Variants in LCT observed in about 807,000 individuals in gnomAD.
LCT encodes the protein lactase.
LCT carries 90 observed loss-of-function variants against 173.0 expected under a neutral mutation model. The observed-to-expected ratio is 0.52, with a 90% CI of 0.44 to 0.62. The LOEUF is 0.62. Among genes scored for constraint, LCT ranks in the 20% least tolerant of loss-of-function variants. LCT has a pLI of 0.00. For missense variants in LCT, 1,864 were observed against 2,431.4 expected (o/e 0.77, Z 4.91); for synonymous variants, 853 against 957.6 (o/e 0.89, Z 2.02).
At chr2:135,803,859 C>T (rs2077646907) in intron 11 of LCT, 71 bp downstream of exon 11, 1 of 1,424,724 alleles carries the variant, frequency 7.0e-7, no homozygotes, top group African/African-American at 1.4e-5. Context: ...CCTGTGCCAT[C>T]TGGATTTCAA....
Position 135,808,428 on chromosome 2 carries a change from T to G in LCT, c.3904+15A>C. 4 of 1,592,272 alleles carry G rather than the reference T, an allele frequency of 2.5e-6. No individual in the cohort carries two copies. The highest frequency in any genetic ancestry group is 3.4e-6 in the Non-Finnish European group (4 of 1,160,078). On this transcript the variant is annotated intron_variant, in intron 8 of 16. Coordinates refer to ENST00000264162, the MANE Select transcript of LCT (RefSeq NM_002299.4). ...GTTGGAAGATTTCTTTAAGGGGAAC[T>G]GAACCCTCACACACCTTTCAAAGCC...
chr2:135,803,792 C>G (rs965390838), intron 11 of LCT, 138 bp downstream of exon 11: 1 of 763,148 alleles, frequency 1.3e-6, no homozygotes, highest in Non-Finnish European at 2.3e-6. Context: ...AGGGAAACCT[C>G]TACAGCCCTG....
intron 4 of LCT, 37 bp from the exon 5 acceptor site, chr2:135,822,135 G>T: frequency 1.7e-6 from 2 of 1,202,890 alleles, no homozygotes; most frequent in Non-Finnish European, 2.5e-6. Flanking sequence ...CTATGTAAAT[G>T]CCAACTAAGA....
intron 1 of LCT, among the ~76,000 whole-genome samples, chr2:135,833,807 C>G (rs1391894096): frequency 6.6e-6 from 1 of 152,078 alleles, no homozygotes; most frequent in African/African-American, 2.4e-5. Flanking sequence ...TGTTGTGCAA[C>G]CAATCTCCAG....
intron 9 of LCT, among the ~76,000 whole-genome samples, chr2:135,805,588 A>C (rs966411074): frequency 6.6e-6 from 1 of 152,222 alleles, no homozygotes; most frequent in African/African-American, 2.4e-5. Flanking sequence ...AGGACATCAG[A>C]ATAAGCTCAG....
chr2:135,828,264 C>T (rs2077902957), intron 3 of LCT, among the ~76,000 whole-genome samples: 1 of 152,106 alleles, frequency 6.6e-6, no homozygotes, highest in African/African-American at 2.4e-5. Context: ...ATCTCATGAT[C>T]CACCCACCTC....
At chr2:135,797,250 G>A (rs1316442955) in intron 13 of LCT, among the ~76,000 whole-genome samples, 1 of 152,166 alleles carries the variant, frequency 6.6e-6, no homozygotes, top group Admixed American at 6.5e-5. Flanking sequence ...ACCCGGCCTG[G>A]GAGCTGGATT....
Position 135,813,232 on chromosome 2 carries a change from T to C in LCT, c.1708-276A>G, listed in dbSNP as rs557916549. The stretch of plus-strand genomic sequence containing the variant: ...AACAAGTTAAGACTGATACTAACAA[T>C]GTCAACAAGTCAACAATGTCAAGAA... On this transcript the variant is annotated intron_variant, in intron 6 of 16. Coordinates refer to ENST00000264162, the MANE Select transcript of LCT (RefSeq NM_002299.4). Among the ~76,000 whole-genome samples, 3 of 149,276 alleles carry C rather than the reference T, an allele frequency of 2.0e-5. No homozygotes were observed. The South Asian group carries it at 6.4e-4, about 32-fold the overall frequency.
chr2:135,794,552 T>C, intron 14 of LCT, 89 bp downstream of exon 14: 3 of 1,421,024 alleles, frequency 2.1e-6, no homozygotes, highest in Non-Finnish European at 3.0e-6. Context: ...GGCCCTGTTT[T>C]GAGGCTGGGC....
intron 5 of LCT, among the ~76,000 whole-genome samples, chr2:135,818,662 A>AC (rs1489658140): frequency 2.0e-5 from 3 of 152,038 alleles, no homozygotes; most frequent in Non-Finnish European, 4.4e-5. Context: ...ACATGGGGAA[A>AC]CCCCGTCTCT....
At chr2:135,804,360 C>A (rs190688470) in intron 10 of LCT, among the ~76,000 whole-genome samples, 42 of 152,266 alleles carry the variant, frequency 2.8e-4, no homozygotes, top group African/African-American at 1.0e-3. Context: ...TCAAATTCTG[C>A]ATCATATGAA....
At chr2:135,820,920 A>G (rs2077822967) in intron 5 of LCT, among the ~76,000 whole-genome samples, 1 of 150,830 alleles carries the variant, frequency 6.6e-6, no homozygotes, top group Non-Finnish European at 1.5e-5. Context: ...TCGCTCCATC[A>G]CCCAGGCTGG....
chr2:135,803,923 G>A lies in LCT; in HGVS notation c.4663+7C>T. On this transcript the variant is annotated splice_region_variant and intron_variant, in intron 11 of 16. Coordinates refer to ENST00000264162, the MANE Select transcript of LCT (RefSeq NM_002299.4). ...CAAAGAGCCTATGAGCCAGGGCTGG[G>A]ACTTACCTGGAGCTGCTGTTCCGTA... 6.2e-7 allele frequency: 1 copy of A among 1,611,818 alleles called. No homozygotes were observed. Among genetic ancestry groups the A allele is most frequent in the African/African-American group, 1.3e-5 (1 of 75,038 alleles).
intron 13 of LCT, among the ~76,000 whole-genome samples, chr2:135,795,108 C>G (rs1194487431): frequency 1.3e-5 from 2 of 152,100 alleles, no homozygotes; most frequent in African/African-American, 4.8e-5. Context: ...ACAACATATG[C>G]AAATTCTGAT....
chr2:135,836,396 T>C, intron 1 of LCT, 134 bp downstream of exon 1: 2 of 832,838 alleles, frequency 2.4e-6, no homozygotes, highest in South Asian at 1.4e-5. Flanking sequence ...ACAATATTAA[T>C]TTCTCCCTAT....
At chr2:135,820,944 G>A (rs374290059) in intron 5 of LCT, among the ~76,000 whole-genome samples, 38 of 151,520 alleles carry the variant, frequency 2.5e-4, no homozygotes, top group African/African-American at 8.0e-4. Context: ...GCAATGGCGC[G>A]ATCTCAGCTC....
chr2:135,797,951 G>T, intron 13 of LCT, 78 bp downstream of exon 13: 1 of 829,458 alleles, frequency 1.2e-6, no homozygotes, highest in Non-Finnish European at 2.1e-6. Context: ...AAGAAGCTCA[G>T]TCATGGTAAC....
In LCT at chr2:135,812,959, T is replaced by A; in HGVS notation, c.1708-3A>T. 1.9e-6 allele frequency: 3 copies of A among 1,613,658 alleles called. No individual in the cohort carries two copies. Among genetic ancestry groups the A allele is most frequent in the Non-Finnish European group, 2.5e-6 (3 of 1,179,768 alleles). On this transcript the variant is annotated splice_polypyrimidine_tract_variant and splice_region_variant and intron_variant, in intron 6 of 16. Transcript: ENST00000264162. ...GCCTTGAGGACCAAGTGAGCCACCT[T>A]GTGAAAAAGTAAGAAGGAAATACAG...
rs747544773 is a variant in LCT, at chr2:135,794,717, CA to C, written c.5034del (p.Phe1678LeufsTer45). 6.2e-7 allele frequency: 1 copy of C among 1,614,068 alleles called. No individual in the cohort carries two copies. Reference sequence around the variant, plus strand: ...AGGACAGTGGTGTAGTGATTGAACCCAAAAAAGTCATAGGTGCCGTTGATCC... The same window carrying C: ...AGGACAGTGGTGTAGTGATTGAACCCAAAAAGTCATAGGTGCCGTTGATCC... ...KRRINGTYDF[F>X]GFNHYTTVLA... On this transcript the variant is annotated frameshift_variant, in exon 14 of 17. Coordinates refer to ENST00000264162, the MANE Select transcript of LCT (RefSeq NM_002299.4). LOFTEE classifies it high-confidence loss of function.
Sources: gnomAD v4.1 joint callset for allele counts (sites outside exome capture counted in the v4.1 genomes callset) on GRCh38, gnomAD v4.1.1 for gene constraint, MANE v1.5 for transcripts, NCBI Gene and HGNC (gene_info 2026-07-23, HGNC 2026-07-21) for gene names.